Variants in YBEY observed in about 807,000 individuals in gnomAD.
YBEY encodes the protein endoribonuclease YbeY.
A neutral mutation model predicts 13.5 loss-of-function variants in YBEY; 15 were observed. The ratio of observed to expected loss-of-function variants is 1.11; its 90% CI spans 0.75 to 1.72. The LOEUF is 1.72. Among genes scored for constraint, YBEY ranks in the 40% most tolerant of loss-of-function variants. The pLI is 0.00. For synonymous variants in YBEY, 101 were observed against 83.1 expected (o/e 1.21, Z -1.17); for missense variants, 244 against 208.4 (o/e 1.17, Z -1.05).
At chr21:46,303,349 AAAT>A in the YBEY span, among the ~76,000 whole-genome samples, 1 of 151,894 alleles carries the variant, frequency 6.6e-6, no homozygotes. Flanking sequence ...CCCAGAAAAT[AAAT>A]AATAAAATAT....
chr21:46,292,984 C>G (rs71319738), intron 3 of YBEY, among the ~76,000 whole-genome samples: 52 of 25,620 alleles, frequency 2.0e-3, no homozygotes, highest in East Asian at 3.7e-3. Flanking sequence ...GCCCGGGACT[C>G]AGTGGGGACA....
chr21:46,309,241 A>T, the YBEY span, among the ~76,000 whole-genome samples: 5 of 152,196 alleles, frequency 3.3e-5, no homozygotes, highest in South Asian at 1.0e-3. Context: ...CAGGCAGATC[A>T]TCTGAGGTCA....
In YBEY at chr21:46,291,444, T is replaced by C; in HGVS notation, c.321T>C (p.Asp107=). ...TCCATCAGTGTAAAGAAAATGAAGA[T>C]TACAATGACGTCCTGACTGTAAGCG... ...YIFHQCKENE[D]YNDVLTVTAT... The change falls in exon 3 of 5, where the codon GAT becomes GAC. Residue 107 remains aspartate, a synonymous_variant. Coordinates refer to ENST00000397701, the MANE Select transcript of YBEY (RefSeq NM_001314025.2). The C allele has an allele frequency of 6.2e-7, 1 of 1,614,064 alleles. No individual in the cohort carries two copies. The highest frequency in any genetic ancestry group is 8.5e-7 in the Non-Finnish European group (1 of 1,179,976).
chr21:46,294,784 C>T (rs66870056), intron 3 of YBEY, among the ~76,000 whole-genome samples: 65,109 of 114,988 alleles, frequency 0.57, 22,251 homozygotes, highest in Non-Finnish European at 0.69. Flanking sequence ...AAAGGAAAAG[C>T]ATTCTGAAAA....
chr21:46,304,019 GGTTTTTTTT>G, the YBEY span, among the ~76,000 whole-genome samples: 1 of 106,878 alleles, frequency 9.4e-6, no homozygotes, highest in African/African-American at 3.4e-5. Context: ...CCAAAGTGCT[GGTTTTTTTT>G]TTTTTTTTTT....
the YBEY span, among the ~76,000 whole-genome samples, chr21:46,309,298 T>C: frequency 6.6e-6 from 1 of 151,902 alleles, no homozygotes; most frequent in African/African-American, 2.4e-5. Context: ...CCGTCTCTAC[T>C]AAAAACCACA....
downstream of YBEY, chr21:46,302,297 C>G: frequency 1.1e-5 from 15 of 1,370,556 alleles, no homozygotes; most frequent in Non-Finnish European, 1.4e-5. Flanking sequence ...GGCTCCTCCC[C>G]CGCCCCAAAT....
At chr21:46,301,149 A>G (rs1229887750), downstream of YBEY, 4 of 815,818 alleles carry the variant, frequency 4.9e-6, no homozygotes, top group Non-Finnish European at 5.4e-6. Context: ...TCACTTTTTT[A>G]TTTTATTTTT....
At chr21:46,302,250 A>G (rs2082138105), downstream of YBEY, 1 of 1,432,104 alleles carries the variant, frequency 7.0e-7, no homozygotes, top group African/African-American at 1.4e-5. Context: ...CCCATGTGAT[A>G]GGCAGGATGG....
At chr21:46,303,603 G>A in the YBEY span, among the ~76,000 whole-genome samples, 68 of 147,374 alleles carry the variant, frequency 4.6e-4, 1 homozygote, top group South Asian at 1.5e-3. Context: ...TGTGATGCTC[G>A]CACTTTGGGA....
downstream of YBEY, among the ~76,000 whole-genome samples, chr21:46,299,941 T>C (rs2082065247): frequency 6.6e-6 from 1 of 152,006 alleles, no homozygotes; most frequent in Admixed American, 6.6e-5. Flanking sequence ...GGTGAGCTCA[T>C]CCCCTGCCCC....
At chr21:46,303,730 T>A in the YBEY span, among the ~76,000 whole-genome samples, 1 of 28,732 alleles carries the variant, frequency 3.5e-5, no homozygotes, top group Non-Finnish European at 6.6e-5. Context: ...TATATATATA[T>A]ATATATATAT....
downstream of YBEY, among the ~76,000 whole-genome samples, chr21:46,299,697 C>T (rs2082060178): frequency 6.6e-6 from 1 of 152,142 alleles, no homozygotes; most frequent in Non-Finnish European, 1.5e-5. Context: ...CAACCTCTCT[C>T]AGTGAGTGTC....
the YBEY span, among the ~76,000 whole-genome samples, chr21:46,310,236 G>T: frequency 6.6e-6 from 1 of 151,688 alleles, no homozygotes; most frequent in African/African-American, 2.4e-5. Flanking sequence ...CAGCACTTTG[G>T]GAGGCCAAGG....
chr21:46,296,357 T>TA, intron 4 of YBEY, 127 bp downstream of exon 4: 1 of 990,848 alleles, frequency 1.0e-6, no homozygotes, highest in Admixed American at 2.3e-5. Flanking sequence ...CCTGCCCTTG[T>TA]AAAAATGACA....
At chr21:46,308,374 T>C in the YBEY span, among the ~76,000 whole-genome samples, 6 of 151,814 alleles carry the variant, frequency 4.0e-5, no homozygotes, top group Admixed American at 1.3e-4. Flanking sequence ...GGCAGGAGAA[T>C]TGTTTGAACC....
chr21:46,297,285 GC>G (rs1162750228), intron 4 of YBEY, among the ~76,000 whole-genome samples: 42 of 64,320 alleles, frequency 6.5e-4, no homozygotes, highest in Admixed American at 2.5e-3. Flanking sequence ...CACCTCCCAT[GC>G]CCCCCTTTCT....
At chr21:46,303,791 G>A in the YBEY span, among the ~76,000 whole-genome samples, 1 of 121,898 alleles carries the variant, frequency 8.2e-6, no homozygotes, top group African/African-American at 3.2e-5. Flanking sequence ...TTGCTCTGTC[G>A]CCGAGGCTGG....
intron 3 of YBEY, 93 bp downstream of exon 3, chr21:46,291,555 G>A (rs368108388): frequency 9.2e-5 from 143 of 1,560,814 alleles, no homozygotes; most frequent in Middle Eastern, 3.4e-4. Flanking sequence ...ATGTGTGTCC[G>A]TGGGTACCGT....
Sources: gnomAD v4.1 joint callset for allele counts (sites outside exome capture counted in the v4.1 genomes callset) on GRCh38, gnomAD v4.1.1 for gene constraint, MANE v1.5 for transcripts, NCBI Gene and HGNC (gene_info 2026-07-23, HGNC 2026-07-21) for gene names.